ROBO2: variants seen among roughly 807,000 people sequenced by gnomAD.
ROBO2 encodes roundabout guidance receptor 2.
In ROBO2, 53 loss-of-function variants were observed where a neutral mutation model predicts 160.8. The observed-to-expected ratio is 0.33, with a 90% confidence interval of 0.26 to 0.41. The LOEUF (loss-of-function observed/expected upper bound fraction) is 0.41. ROBO2 is among the 10% of genes least tolerant of loss of function. The pLI, the probability that ROBO2 is intolerant of heterozygous loss-of-function variation, is 1.00. For missense variants in ROBO2, 1,577 were observed against 1,722.4 expected, an observed-to-expected ratio of 0.92 and a Z score of 1.49; for synonymous variants, 664 against 611.7, an observed-to-expected ratio of 1.09 and a Z score of -1.26.
intron 2 of ROBO2, among the ~76,000 whole-genome samples, chr3:76,896,722 A>G (rs2074807802): frequency 6.6e-6 from 1 of 152,172 alleles, no homozygotes; most frequent in South Asian, 2.1e-4. Flanking sequence ...AACATTGGTG[A>G]CTGGGAGTTT....
chr3:77,342,301 TG>T (rs1457220530), intron 2 of ROBO2, among the ~76,000 whole-genome samples: 1 of 152,142 alleles, frequency 6.6e-6, no homozygotes. Context: ...ATGAAAGCTC[TG>T]GGCATCATTA....
At chr3:76,656,908 CTT>C (rs2091551857) in intron 2 of ROBO2, among the ~76,000 whole-genome samples, 1 of 152,136 alleles carries the variant, frequency 6.6e-6, no homozygotes, top group Non-Finnish European at 1.5e-5. Context: ...AACCCTTAGT[CTT>C]TAACTGGCTG....
intron 2 of ROBO2, among the ~76,000 whole-genome samples, chr3:75,973,756 C>A (rs1020581635): frequency 1.3e-5 from 2 of 151,484 alleles, no homozygotes; most frequent in African/African-American, 4.8e-5. Context: ...AGCTAAGTAG[C>A]AGAGGGAATG....
In ROBO2 at chr3:76,708,454, A is replaced by G. The variant is rs530094603; in HGVS notation, c.110-389560A>G. On this transcript the variant is annotated intron_variant, in intron 2 of 26. Coordinates refer to the ROBO2 transcript ENST00000487694. Reference sequence around the variant, plus strand: ...GTTAGGATGAAGTGGAAGTTTAAGGATATCTTTTCAATTTTGCTCTACTTG... The same window carrying G: ...GTTAGGATGAAGTGGAAGTTTAAGGGTATCTTTTCAATTTTGCTCTACTTG... 2.0e-5 allele frequency among the ~76,000 whole-genome samples: 3 copies of G among 152,296 alleles called. No homozygotes were observed. In the East Asian group the frequency reaches 5.8e-4, roughly 29 times the overall value.
intron 2 of ROBO2, among the ~76,000 whole-genome samples, chr3:76,606,704 T>A (rs1413042811): frequency 6.6e-6 from 1 of 152,094 alleles, no homozygotes; most frequent in African/African-American, 2.4e-5. Context: ...TGTTTATATA[T>A]GTTTTTTAGT....
At chr3:76,518,229 G>T (rs567522114) in intron 2 of ROBO2, among the ~76,000 whole-genome samples, 1 of 152,232 alleles carries the variant, frequency 6.6e-6, no homozygotes. Context: ...TGACCTGAAG[G>T]ACCCAGGCAC....
At chr3:76,444,222 C>T (rs1336073008) in intron 2 of ROBO2, among the ~76,000 whole-genome samples, 2 of 152,092 alleles carry the variant, frequency 1.3e-5, no homozygotes, top group South Asian at 2.1e-4. Flanking sequence ...TAGTGATCCA[C>T]CCGCCTTGGC....
At chr3:76,791,572 C>G (rs553472883) in intron 2 of ROBO2, among the ~76,000 whole-genome samples, 16 of 151,400 alleles carry the variant, frequency 1.1e-4, no homozygotes, top group African/African-American at 3.4e-4. Flanking sequence ...ACTAAAGTCT[C>G]TTGCCAATAG....
At chr3:76,125,221 C>G (rs1446114616) in intron 2 of ROBO2, among the ~76,000 whole-genome samples, 1 of 152,058 alleles carries the variant, frequency 6.6e-6, no homozygotes, top group Non-Finnish European at 1.5e-5. Context: ...TGTGTATGTA[C>G]CACAATTTCT....
chr3:77,004,828 C>T (rs73108409), intron 2 of ROBO2, among the ~76,000 whole-genome samples: 26,983 of 152,088 alleles, frequency 0.18, 2,449 homozygotes, highest in Non-Finnish European at 0.19. Flanking sequence ...AGCACCTTCA[C>T]CGGGCTTCTC....
chr3:76,230,194 TA>T (rs1189109974), intron 2 of ROBO2, among the ~76,000 whole-genome samples: 1 of 152,074 alleles, frequency 6.6e-6, no homozygotes, highest in Non-Finnish European at 1.5e-5. Flanking sequence ...CCACTGAAAA[TA>T]AGGACCTTTT....
chr3:77,275,104 T>C (rs1425878681), intron 2 of ROBO2, among the ~76,000 whole-genome samples: 1 of 152,066 alleles, frequency 6.6e-6, no homozygotes, highest in Non-Finnish European at 1.5e-5. Context: ...AATTTCTTAT[T>C]TGACACATGA....
intron 2 of ROBO2, among the ~76,000 whole-genome samples, chr3:77,213,483 G>T (rs1038208345): frequency 1.3e-5 from 2 of 151,198 alleles, no homozygotes; most frequent in African/African-American, 4.9e-5. Context: ...TTTTTTATTA[G>T]TCCTGCTAGC....
At chr3:75,944,794 C>G (rs924031449) in intron 2 of ROBO2, among the ~76,000 whole-genome samples, 11 of 152,168 alleles carry the variant, frequency 7.2e-5, no homozygotes, top group East Asian at 3.9e-4. Context: ...AATTGTTTTT[C>G]TTATGATTAT....
intron 6 of ROBO2, among the ~76,000 whole-genome samples, chr3:77,540,980 T>C (rs1437326382): frequency 6.6e-6 from 1 of 152,212 alleles, no homozygotes; most frequent in Non-Finnish European, 1.5e-5. Flanking sequence ...AGGAAGAGAA[T>C]GCTTCTTAAA....
At chr3:76,730,271 A>C (rs1243394107) in intron 2 of ROBO2, among the ~76,000 whole-genome samples, 45 of 41,816 alleles carry the variant, frequency 1.1e-3, no homozygotes, top group South Asian at 1.6e-3. Flanking sequence ...CTCACCTCCT[A>C]CTCCCTACCC....
chr3:77,166,597 C>A (rs1456213421), intron 2 of ROBO2, among the ~76,000 whole-genome samples: 2 of 152,234 alleles, frequency 1.3e-5, no homozygotes, highest in Non-Finnish European at 2.9e-5. Context: ...CTCACTCTGT[C>A]GCCCAGGCTG....
chr3:77,092,481 A>G (rs1368070025), intron 1 of ROBO2, among the ~76,000 whole-genome samples: 1 of 150,590 alleles, frequency 6.6e-6, no homozygotes, highest in Non-Finnish European at 1.5e-5. Flanking sequence ...AAACATTTGG[A>G]TGTTCATCTT....
intron 2 of ROBO2, among the ~76,000 whole-genome samples, chr3:76,330,532 A>T (rs1362829254): frequency 6.6e-6 from 1 of 152,210 alleles, no homozygotes; most frequent in Non-Finnish European, 1.5e-5. Context: ...TTCTGCTTCA[A>T]CAGAAACATG....
Sources: allele counts gnomAD v4.1 joint callset (sites outside exome capture counted in the v4.1 genomes callset), GRCh38; gene constraint gnomAD v4.1.1; transcripts MANE v1.5; gene names NCBI Gene and HGNC (gene_info 2026-07-23, HGNC 2026-07-21).